TENM3: variants seen among roughly 807,000 people sequenced by gnomAD.
TENM3 encodes the protein teneurin-3.
Under a neutral mutation model 255.1 loss-of-function variants are expected in TENM3, and 63 were observed. That is an observed-to-expected ratio of 0.25 (90% CI 0.20 to 0.30). The LOEUF is 0.30. Ranked by LOEUF, TENM3 falls within the 10% of genes least tolerant of loss-of-function variation. The pLI is 1.00. For synonymous variants in TENM3, 1,306 were observed against 1,322.3 expected (o/e 0.99, Z 0.27); for missense variants, 2,929 against 3,461.1 (o/e 0.85, Z 3.86).
At chr4:181,926,299 A>T in the TENM3 span, among the ~76,000 whole-genome samples, 1 of 152,194 alleles carries the variant, frequency 6.6e-6, no homozygotes, top group Non-Finnish European at 1.5e-5. Context: ...GATGAAATAT[A>T]TCAGGCAAGA....
At chr4:182,710,263 A>G (rs183107514) in intron 12 of TENM3, among the ~76,000 whole-genome samples, 9 of 152,338 alleles carry the variant, frequency 5.9e-5, no homozygotes, top group East Asian at 1.9e-4. Context: ...TTTATGTTCA[A>G]ATCATCAATT....
At chr4:182,791,461 G>A (rs1013914151) in intron 25 of TENM3, among the ~76,000 whole-genome samples, 3 of 152,100 alleles carry the variant, frequency 2.0e-5, no homozygotes, top group African/African-American at 2.4e-5. Context: ...TTTGTCTTTC[G>A]GCAGTGGCTC....
the TENM3 span, among the ~76,000 whole-genome samples, chr4:182,025,929 A>T: frequency 6.6e-6 from 1 of 151,960 alleles, no homozygotes; most frequent in Non-Finnish European, 1.5e-5. Flanking sequence ...GCACCCATCA[A>T]CTCGTCATTT....
chr4:181,678,248 A>G, the TENM3 span, among the ~76,000 whole-genome samples: 116 of 152,230 alleles, frequency 7.6e-4, no homozygotes, highest in African/African-American at 2.5e-3. Flanking sequence ...TGAAGAAAAC[A>G]GAGTTCAGTG....
At chr4:182,006,793 C>G in the TENM3 span, among the ~76,000 whole-genome samples, 7 of 151,890 alleles carry the variant, frequency 4.6e-5, no homozygotes, top group East Asian at 9.7e-4. Flanking sequence ...TTACTCTTGC[C>G]TCTCTGGCTC....
At chr4:182,785,477 G>A (rs538430744) in intron 24 of TENM3, among the ~76,000 whole-genome samples, 1 of 151,730 alleles carries the variant, frequency 6.6e-6, no homozygotes, top group Non-Finnish European at 1.5e-5. Flanking sequence ...GGAGGCTGAG[G>A]CGGGTGGATC....
intron 6 of TENM3, among the ~76,000 whole-genome samples, 199 bp from the exon 7 acceptor site, chr4:182,672,806 G>A (rs1442244877): frequency 3.3e-5 from 5 of 152,146 alleles, no homozygotes; most frequent in East Asian, 1.9e-4. Flanking sequence ...AATATCTTAC[G>A]AGCTAAATCA....
At chr4:182,113,317 G>C in the TENM3 span, among the ~76,000 whole-genome samples, 1 of 152,140 alleles carries the variant, frequency 6.6e-6, no homozygotes, top group Non-Finnish European at 1.5e-5. Context: ...TTTCTCTTGG[G>C]TTGTTTTTCT....
intron 2 of TENM3, among the ~76,000 whole-genome samples, chr4:182,342,161 T>C (rs1468883364): frequency 6.6e-6 from 1 of 152,192 alleles, no homozygotes; most frequent in Non-Finnish European, 1.5e-5. Context: ...AATGAAGACA[T>C]ATGTACGCAT....
chr4:182,584,047 A>G (rs1745769004), intron 3 of TENM3, among the ~76,000 whole-genome samples: 2 of 152,228 alleles, frequency 1.3e-5, no homozygotes, highest in South Asian at 4.1e-4. Context: ...AGTTTTAAGA[A>G]TCATCAAGAT....
the TENM3 span, among the ~76,000 whole-genome samples, chr4:181,903,337 A>G: frequency 1.3e-5 from 2 of 152,216 alleles, no homozygotes; most frequent in African/African-American, 4.8e-5. Flanking sequence ...TTCTCACTCT[A>G]CAGTTGAACA....
At chr4:182,689,778 G>A (rs892966899) in intron 12 of TENM3, among the ~76,000 whole-genome samples, 7 of 152,214 alleles carry the variant, frequency 4.6e-5, no homozygotes, top group Non-Finnish European at 7.3e-5. Flanking sequence ...CCTGTGGGCC[G>A]TATGCGGCCC....
intron 3 of TENM3, among the ~76,000 whole-genome samples, chr4:182,461,002 A>G (rs1166190475): frequency 6.6e-6 from 1 of 152,188 alleles, no homozygotes; most frequent in Non-Finnish European, 1.5e-5. Flanking sequence ...CCTATTCATA[A>G]TCATATAATT....
intron 6 of TENM3, among the ~76,000 whole-genome samples, chr4:182,664,915 C>T (rs1754531308): frequency 6.6e-6 from 1 of 152,198 alleles, no homozygotes; most frequent in South Asian, 2.1e-4. Flanking sequence ...ACGAACCCGT[C>T]TCTGCAACAT....
intron 3 of TENM3, among the ~76,000 whole-genome samples, chr4:182,598,142 C>G (rs1050515375): frequency 6.6e-6 from 1 of 152,208 alleles, no homozygotes; most frequent in Non-Finnish European, 1.5e-5. Flanking sequence ...GATTGTGCCA[C>G]TGCACCCCAG....
the TENM3 span, among the ~76,000 whole-genome samples, chr4:181,574,254 G>A: frequency 3.9e-5 from 6 of 152,262 alleles, no homozygotes; most frequent in South Asian, 1.2e-3. Context: ...TCTTCCGGCC[G>A]GGCGCGGTGG....
At chr4:181,564,095 C>A in the TENM3 span, among the ~76,000 whole-genome samples, 15,570 of 136,790 alleles carry the variant, frequency 0.11, 1,170 homozygotes, top group South Asian at 0.3. Flanking sequence ...GGCTGGAGTG[C>A]ACTGGCAGGA....
the TENM3 span, among the ~76,000 whole-genome samples, chr4:182,063,080 G>GA: frequency 3.9e-5 from 6 of 152,210 alleles, no homozygotes; most frequent in African/African-American, 1.4e-4. Context: ...TAAGTAGTAT[G>GA]AGTCACATGA....
the TENM3 span, among the ~76,000 whole-genome samples, chr4:181,903,961 A>G: frequency 6.6e-6 from 1 of 152,036 alleles, no homozygotes; most frequent in Non-Finnish European, 1.5e-5. Context: ...AATGATTTCC[A>G]TGTATATCTC....
Sources: gnomAD v4.1 joint callset for allele counts (sites outside exome capture counted in the v4.1 genomes callset) on GRCh38, gnomAD v4.1.1 for gene constraint, MANE v1.5 for transcripts, NCBI Gene and HGNC (gene_info 2026-07-23, HGNC 2026-07-21) for gene names.